Variants in ZNF713 observed in about 807,000 individuals in gnomAD.
The protein encoded by ZNF713 is zinc finger protein 713.
In ZNF713, 21 loss-of-function variants were observed where a neutral mutation model predicts 28.7. That is an observed-to-expected ratio of 0.73 (90% CI 0.52 to 1.05). The LOEUF is 1.05. Among genes scored for constraint, ZNF713 ranks in the 50% least tolerant of loss-of-function variants. The probability of loss-of-function intolerance (pLI) is 0.00; values close to 1 mark genes in which losing one functional copy is unlikely to be tolerated. For missense variants in ZNF713, 458 were observed against 532.4 expected, an observed-to-expected ratio of 0.86 and a Z score of 1.37; for synonymous variants, 167 against 178.0, an observed-to-expected ratio of 0.94 and a Z score of 0.49.
chr7:55,916,892 A>G (rs781316019), intron 4 of ZNF713, among the ~76,000 whole-genome samples: 5 of 152,168 alleles, frequency 3.3e-5, no homozygotes, highest in Non-Finnish European at 5.9e-5. Flanking sequence ...CTTTCTAATC[A>G]CAGTGATTGA....
chr7:55,913,559 G>T (rs1584307167), intron 4 of ZNF713, among the ~76,000 whole-genome samples: 1 of 152,236 alleles, frequency 6.6e-6, no homozygotes, highest in East Asian at 1.9e-4. Flanking sequence ...GAGTATGAAT[G>T]CAACAAGAGT....
intron 6 of ZNF713, among the ~76,000 whole-genome samples, chr7:55,935,188 C>A (rs1310035252): frequency 1.3e-5 from 2 of 152,066 alleles, no homozygotes; most frequent in Non-Finnish European, 1.5e-5. Context: ...CGTGCCTGGA[C>A]TGGCATTGCA....
chr7:55,929,528 G>C (rs533409216), intron 6 of ZNF713, among the ~76,000 whole-genome samples: 2 of 152,258 alleles, frequency 1.3e-5, no homozygotes, highest in Non-Finnish European at 2.9e-5. Context: ...TGGATCTATA[G>C]CTTACCCCTT....
In ZNF713 at chr7:55,941,964, T is replaced by A. The variant is rs537480975; in HGVS notation, c.*1958T>A. ...ATTGATTCAGAGAAGTCTGCTTTTC[T>A]ATTTTGTTTTAGCTTTAAATTTCCC... On this transcript the variant is annotated 3_prime_UTR_variant, in exon 7 of 7. Coordinates refer to ENST00000429591, the MANE Select transcript of ZNF713 (RefSeq NM_182633.3). 1.3e-5 allele frequency: 2 copies of A among 152,352 alleles called. No individual in the cohort carries two copies. Among genetic ancestry groups the A allele is most frequent in the East Asian group, 3.9e-4 (2 of 5,184 alleles). 9.4% of individuals were successfully genotyped at this position (152,352 alleles called of 1,614,324 possible).
intron 1 of ZNF713, among the ~76,000 whole-genome samples, chr7:55,905,830 G>A (rs529701226): frequency 7.9e-5 from 12 of 152,066 alleles, no homozygotes; most frequent in Admixed American, 2.0e-4. Context: ...ATGGCTGGGC[G>A]CGGTGGCTCA....
In ZNF713 at chr7:55,887,875, GGC is replaced by G. The variant is rs1491561619; in HGVS notation, c.-583+197_-583+198del. On this transcript the variant is annotated intron_variant, in intron 1 of 6. Transcript: ENST00000429591. ...GCGGCGGGCGGCGGGCGGCGGCGGC[GGC>G]GGCGGCGGCGGGCGGCGGCGGCGGC... 5.4e-4 allele frequency among the ~76,000 whole-genome samples: 14 copies of G among 26,050 alleles called. 4 individuals carry two copies. The highest frequency in any genetic ancestry group is 4.2e-3 in the African/African-American group (11 of 2,602). The allele number at this position is 26,050 out of a possible 152,430, so 17.1% of individuals were successfully genotyped here.
At chr7:55,929,252 G>C (rs1022390103) in intron 6 of ZNF713, among the ~76,000 whole-genome samples, 2 of 152,048 alleles carry the variant, frequency 1.3e-5, no homozygotes, top group Admixed American at 1.3e-4. Flanking sequence ...AAGGAAAATC[G>C]ATGAGGGAGA....
Position 55,933,408 on chromosome 7 carries a change from G to C in ZNF713, c.308-5574G>C, listed in dbSNP as rs1030313709. The stretch of plus-strand genomic sequence containing the variant: ...CCTCCTGAGTTCGAGTGATTCTCCT[G>C]CCTCAGCCTCCCGAGTAGCTGGGAT... On this transcript the variant is annotated intron_variant, in intron 6 of 6. Transcript: ENST00000429591. Among the ~76,000 whole-genome samples, 4 of 151,486 alleles carry C rather than the reference G, an allele frequency of 2.6e-5. No homozygotes were observed. In the East Asian group the frequency reaches 8.1e-4, roughly 31 times the overall value.
chr7:55,896,429 A>G (rs1461873159), intron 1 of ZNF713, among the ~76,000 whole-genome samples: 1 of 152,122 alleles, frequency 6.6e-6, no homozygotes, highest in Non-Finnish European at 1.5e-5. Context: ...TGTTATATGT[A>G]TGTCACAATT....
At chr7:55,893,285 C>A (rs931065678) in intron 1 of ZNF713, among the ~76,000 whole-genome samples, 4 of 152,118 alleles carry the variant, frequency 2.6e-5, no homozygotes. Context: ...TAGGAATGGA[C>A]ATCCATGTAT....
chr7:55,904,192 C>G (rs1785635671), intron 1 of ZNF713, among the ~76,000 whole-genome samples: 1 of 112,888 alleles, frequency 8.9e-6, no homozygotes, highest in African/African-American at 3.2e-5. Flanking sequence ...TCAGGCCAGG[C>G]CTGATGGCTC....
intron 2 of ZNF713, among the ~76,000 whole-genome samples, chr7:55,908,177 A>G (rs1361676732): frequency 1.8e-5 from 2 of 110,358 alleles, no homozygotes; most frequent in African/African-American, 7.0e-5. Flanking sequence ...GAGTCTTGCC[A>G]TGTCGCCCAG....
chr7:55,921,328 A>G (rs1785988857), intron 4 of ZNF713, among the ~76,000 whole-genome samples: 2 of 152,350 alleles, frequency 1.3e-5, no homozygotes, highest in South Asian at 4.1e-4. Context: ...CCACGGATCA[A>G]GGAGTAATTT....
At chr7:55,934,426 C>T (rs1384851032) in intron 6 of ZNF713, among the ~76,000 whole-genome samples, 1 of 151,964 alleles carries the variant, frequency 6.6e-6, no homozygotes, top group Non-Finnish European at 1.5e-5. Flanking sequence ...CATTTTTCAC[C>T]CATCAAATTG....
chr7:55,930,390 A>G (rs957002799), intron 6 of ZNF713, among the ~76,000 whole-genome samples: 3 of 152,186 alleles, frequency 2.0e-5, no homozygotes, highest in African/African-American at 7.2e-5. Context: ...GATGTCCTAG[A>G]CCAGTCATGG....
chr7:55,908,453 T>G (rs1785726149), intron 2 of ZNF713, among the ~76,000 whole-genome samples: 1 of 152,168 alleles, frequency 6.6e-6, no homozygotes, highest in South Asian at 2.1e-4. Flanking sequence ...CATCCGTTGT[T>G]TTTTGACTTT....
chr7:55,922,304 G>T (rs1199435340), intron 4 of ZNF713, among the ~76,000 whole-genome samples: 1 of 151,922 alleles, frequency 6.6e-6, no homozygotes, highest in Non-Finnish European at 1.5e-5. Context: ...ACTTTGGGAG[G>T]CTGAGGCGGG....
At chr7:55,899,367 A>G (rs1279328759) in intron 1 of ZNF713, among the ~76,000 whole-genome samples, 39 of 133,672 alleles carry the variant, frequency 2.9e-4, no homozygotes, top group African/African-American at 1.1e-3. Flanking sequence ...AAAAAAAAAA[A>G]AAAAAAAAAA....
Position 55,940,474 on chromosome 7 carries a change from G to A in ZNF713, c.*468G>A. ...AATTAATTTAGACCTTAAACTAGCA[G>A]CATATTACATTCCCAGGAGGGGTTA... is the stretch of plus-strand genomic sequence containing the variant. On this transcript the variant is annotated 3_prime_UTR_variant, in exon 7 of 7. Coordinates refer to ENST00000429591, the MANE Select transcript of ZNF713 (RefSeq NM_182633.3). 2.0e-6 allele frequency: 2 copies of A among 985,528 alleles called. No individual in the cohort carries two copies. Among genetic ancestry groups the A allele is most frequent in the Non-Finnish European group, 2.4e-6 (2 of 830,098 alleles). The allele number at this position is 985,528 out of a possible 1,614,324, so 61.0% of individuals were successfully genotyped here. A position where few individuals can be genotyped will look rare whatever the true frequency, so the allele number is the denominator to read the frequency against.
Sources: gnomAD v4.1 joint callset for allele counts (sites outside exome capture counted in the v4.1 genomes callset) on GRCh38, gnomAD v4.1.1 for gene constraint, MANE v1.5 for transcripts, NCBI Gene and HGNC (gene_info 2026-07-23, HGNC 2026-07-21) for gene names.